The following ADAMTS7 variants were observed in gnomAD, a reference collection of about 807,000 sequenced individuals.
ADAMTS7 encodes A disintegrin and metalloproteinase with thrombospondin motifs 7.
In ADAMTS7, 89 loss-of-function variants were observed where a neutral mutation model predicts 172.6. The ratio of observed to expected loss-of-function variants is 0.52; its 90% CI spans 0.43 to 0.61. ADAMTS7 has a LOEUF of 0.61. ADAMTS7 is among the 20% of genes least tolerant of loss of function. ADAMTS7 has a pLI of 0.00. For synonymous variants in ADAMTS7, 885 were observed against 978.4 expected, an observed-to-expected ratio of 0.90 and a Z score of 1.78; for missense variants, 1,973 against 2,355.6, an observed-to-expected ratio of 0.84 and a Z score of 3.36.
At chr15:78,783,089 C>T (rs776180439) in intron 8 of ADAMTS7, among the ~76,000 whole-genome samples, 22 of 152,140 alleles carry the variant, frequency 1.4e-4, no homozygotes, top group Non-Finnish European at 2.5e-4. Flanking sequence ...GGATTCCTCT[C>T]GGAAAACTGA....
At chr15:78,773,259 C>T in intron 13 of ADAMTS7, 56 bp from the exon 14 acceptor site, 1 of 1,379,896 alleles carries the variant, frequency 7.2e-7, no homozygotes, top group East Asian at 2.4e-5. Flanking sequence ...CTCTGTGGCC[C>T]CAGCCCCGGG....
At chr15:78,762,644 C>T (rs1003785984) in intron 22 of ADAMTS7, 79 bp from the exon 23 acceptor site, 41 of 1,155,080 alleles carry the variant, frequency 3.5e-5, no homozygotes, top group East Asian at 2.1e-4. Flanking sequence ...TCTGGGAAGC[C>T]GTCCCTGCGC....
At chr15:78,774,037 G>A in intron 13 of ADAMTS7, 130 bp downstream of exon 13, 1 of 1,422,642 alleles carries the variant, frequency 7.0e-7, no homozygotes. Context: ...GACCAGGAGG[G>A]ACCCAGGAGA....
chr15:78,790,906 C>T lies in ADAMTS7; in HGVS notation c.904-112G>A, dbSNP rs780120063. ...AGAGGCCCAGCAGGGAAGTGGGAGGCCCGCAGGCACCAGTCGAGCTTCCAG... is the reference window on the plus strand; with the variant it reads ...AGAGGCCCAGCAGGGAAGTGGGAGGTCCGCAGGCACCAGTCGAGCTTCCAG... On this transcript the variant is annotated intron_variant, in intron 5 of 23. Transcript: ENST00000388820. 3.1e-4 allele frequency: 463 copies of T among 1,496,940 alleles called. 1 individual carries two copies. Among genetic ancestry groups the T allele is most frequent in the Non-Finnish European group, 4.0e-4 (442 of 1,097,888 alleles). The allele number at this position is 1,496,940 out of a possible 1,614,324, so 92.7% of individuals were successfully genotyped here.
At chr15:78,775,559 C>CA (rs1226110211) in intron 11 of ADAMTS7, among the ~76,000 whole-genome samples, 2 of 152,050 alleles carry the variant, frequency 1.3e-5, no homozygotes, top group Non-Finnish European at 2.9e-5. Flanking sequence ...GCACCCCCAC[C>CA]CCCCCGTTTA....
chr15:78,808,087 C>T (rs1437994760), intron 1 of ADAMTS7, among the ~76,000 whole-genome samples: 9 of 152,066 alleles, frequency 5.9e-5, no homozygotes, highest in African/African-American at 2.2e-4. Context: ...AATTTCTGGG[C>T]TCAAACGATC....
At position 78,811,291 on chromosome 15, in the gene ADAMTS7, G is replaced by A. The variant is rs2055863850; in HGVS notation, c.-71C>T. On this transcript the variant is annotated 5_prime_UTR_variant, in exon 1 of 24. Transcript: ENST00000388820. ...GTCCGTCCCGTCCGGTCGCTGCCTG[G>A]TCCCAGGTCCGGCTCAGGACATGCC... is the stretch of plus-strand genomic sequence containing the variant. 8.2e-7 allele frequency: 1 copy of A among 1,217,722 alleles called. No individual in the cohort carries two copies. Among genetic ancestry groups the A allele is most frequent in the African/African-American group, 1.6e-5 (1 of 63,704 alleles). 75.4% of individuals were successfully genotyped at this position (1,217,722 alleles called of 1,614,324 possible).
chr15:78,791,744 CACAGG>C (rs2055584084), intron 4 of ADAMTS7, among the ~76,000 whole-genome samples: 2 of 152,208 alleles, frequency 1.3e-5, no homozygotes, highest in Non-Finnish European at 2.9e-5. Flanking sequence ...TGAGGGTAGG[CACAGG>C]CCTATGGAGC....
chr15:78,802,935 T>G (rs1205451675), intron 1 of ADAMTS7, among the ~76,000 whole-genome samples: 6 of 151,960 alleles, frequency 3.9e-5, no homozygotes, highest in Non-Finnish European at 7.4e-5. Context: ...AGGTGGAGGT[T>G]GTAGTGAGCC....
At chr15:78,802,867 C>T (rs1015658468) in intron 1 of ADAMTS7, among the ~76,000 whole-genome samples, 16 of 152,006 alleles carry the variant, frequency 1.1e-4, no homozygotes, top group African/African-American at 3.6e-4. Context: ...CTTGGTGGTG[C>T]CTGCCTGTAA....
chr15:78,801,695 T>G (rs2055727173), intron 1 of ADAMTS7, among the ~76,000 whole-genome samples: 1 of 152,122 alleles, frequency 6.6e-6, no homozygotes, highest in Non-Finnish European at 1.5e-5. Flanking sequence ...CTTTTTTTTT[T>G]GAAATGGGTT....
chr15:78,784,380 G>C (rs2055472581), intron 8 of ADAMTS7, among the ~76,000 whole-genome samples: 1 of 107,538 alleles, frequency 9.3e-6, no homozygotes, highest in African/African-American at 3.5e-5. Flanking sequence ...GAAAGACAGA[G>C]AGAGAGAGGG....
intron 1 of ADAMTS7, among the ~76,000 whole-genome samples, chr15:78,806,091 AACACAC>A (rs1216857182): frequency 0.19 from 5,267 of 27,360 alleles, 1,305 homozygotes; most frequent in Middle Eastern, 0.47. Context: ...CCCCCCCAAA[AACACAC>A]ACACACACAC....
intron 23 of ADAMTS7, among the ~76,000 whole-genome samples, chr15:78,761,390 G>A (rs565659110): frequency 7.9e-4 from 120 of 152,308 alleles, no homozygotes; most frequent in Middle Eastern, 3.4e-3. Context: ...TTCACGCCAC[G>A]GCTTCTGGAT....
At position 78,766,194 on chromosome 15, in the gene ADAMTS7, C is replaced by T. The variant is rs141817097; in HGVS notation, c.3717G>A (p.Thr1239=). The change falls in exon 19 of 24, where the codon ACG becomes ACA. Residue 1239 remains threonine, a synonymous_variant. Transcript: ENST00000388820. The stretch of plus-strand genomic sequence containing the variant: ...TGCCAACAGGGGACAAAGGGGGCAG[C>T]GTGGAGCTGGGTCTCGGGGGCAGGT... The part of the protein sequence containing the change: ...APHLPPRPSS[T]LPPLSPVGST... The T allele has an allele frequency of 8.3e-5, 133 of 1,611,568 alleles. 1 individual carries two copies. The South Asian group carries it at 1.1e-3, about 13-fold the overall frequency.
Position 78,766,075 on chromosome 15 carries a change from A to G in ADAMTS7, c.3836T>C (p.Val1279Ala). The G allele has an allele frequency of 6.2e-7, 1 of 1,610,026 alleles. No individual in the cohort carries two copies. The highest frequency in any genetic ancestry group is 1.1e-5 in the South Asian group (1 of 91,004). Residue 1279 changes from valine to alanine, a missense_variant, in exon 19 of 24, where the codon GTG (valine) becomes GCG (alanine). By Grantham distance (64) the Val-to-Ala change is moderately conservative. This residue lies in a region of ADAMTS7 where 771 missense variants were observed against 952.6 expected (regional missense o/e 0.81). Transcript: ENST00000388820. ...EPALEGGLGP[V>A]DSELWPTVGV... ...AACAGTGGGCCACAGTTCACTGTCC[A>G]CAGGCCCCAGGCCACCCTCCAGAGC...
chr15:78,805,154 A>G (rs1472234067), intron 1 of ADAMTS7, among the ~76,000 whole-genome samples: 1 of 152,234 alleles, frequency 6.6e-6, no homozygotes, highest in Non-Finnish European at 1.5e-5. Context: ...AGAGGCTGGC[A>G]TTCAGAAGCC....
chr15:78,762,911 T>A (rs534253193), intron 22 of ADAMTS7, among the ~76,000 whole-genome samples: 1 of 152,116 alleles, frequency 6.6e-6, no homozygotes. Context: ...TGGGCAGAGA[T>A]GTGGGCGAGA....
intron 11 of ADAMTS7, among the ~76,000 whole-genome samples, chr15:78,775,518 C>A (rs1432761902): frequency 6.6e-6 from 1 of 151,764 alleles, no homozygotes; most frequent in Admixed American, 6.6e-5. Context: ...TACCACTTGC[C>A]TCTGCTTCTC....
Sources: allele counts gnomAD v4.1 joint callset (sites outside exome capture counted in the v4.1 genomes callset), GRCh38; gene constraint gnomAD v4.1.1; regional missense constraint gnomAD v4.1.1; transcripts MANE v1.5; gene names NCBI Gene and HGNC (gene_info 2026-07-23, HGNC 2026-07-21).